PACS1: variants seen among roughly 807,000 people sequenced by gnomAD.
PACS1 encodes the protein PACS-1.
In PACS1, 24 loss-of-function variants were observed where a neutral mutation model predicts 115.0. The observed-to-expected ratio is 0.21, with a 90% CI of 0.15 to 0.29. The LOEUF (loss-of-function observed/expected upper bound fraction) is 0.29, where lower values mean the gene tolerates loss of function less well. Among genes scored for constraint, PACS1 ranks in the 10% least tolerant of loss-of-function variants. The pLI is 1.00. For missense variants in PACS1, 838 were observed against 1,251.2 expected (o/e 0.67, Z 4.98); for synonymous variants, 453 against 504.5 (o/e 0.90, Z 1.37).
intron 2 of PACS1, among the ~76,000 whole-genome samples, chr11:66,206,626 A>G (rs756562516): frequency 4.6e-5 from 7 of 152,228 alleles, no homozygotes; most frequent in African/African-American, 9.6e-5. Flanking sequence ...TAATCATATA[A>G]TGAGGCTACT....
intron 1 of PACS1, among the ~76,000 whole-genome samples, chr11:66,140,581 A>G (rs1321048174): frequency 1.3e-5 from 2 of 152,144 alleles, no homozygotes; most frequent in Non-Finnish European, 2.9e-5. Context: ...ATACATTTAC[A>G]AGGTTCAAAA....
Position 66,104,627 on chromosome 11 carries a change from A to T in PACS1, c.356+33785A>T, listed in dbSNP as rs1857993229. 3.3e-5 allele frequency among the ~76,000 whole-genome samples: 5 copies of T among 152,268 alleles called. No homozygotes were observed. In the South Asian group the frequency reaches 8.3e-4, roughly 25 times the overall value. On this transcript the variant is annotated intron_variant, in intron 1 of 23. Coordinates refer to ENST00000320580, the MANE Select transcript of PACS1 (RefSeq NM_018026.4). ...TTTGCCAACCTCTGATCTAGAAGAA[A>T]CTGGGCCCTGGATTTAGTGCTTGCT...
chr11:66,076,029 G>A (rs1206524381), intron 1 of PACS1, among the ~76,000 whole-genome samples: 2 of 152,088 alleles, frequency 1.3e-5, no homozygotes, highest in South Asian at 2.1e-4. Context: ...GAGCCACCGC[G>A]CTCAGCCACA....
chr11:66,235,586 C>T lies in PACS1; in HGVS notation c.2207+183C>T, dbSNP rs1855689785. Reference sequence around the variant, plus strand: ...CTCCTTCCTTGCCCAAGGCCTCCCACCCATAGGAGCCTGAGTTCATCAGTT... The same window carrying T: ...CTCCTTCCTTGCCCAAGGCCTCCCATCCATAGGAGCCTGAGTTCATCAGTT... On this transcript the variant is annotated intron_variant, in intron 18 of 23. Transcript: ENST00000320580. The surrounding 1 kb of genome is among the most constrained non-coding windows in gnomAD (Gnocchi z 5.6). 1 of 605,772 alleles carries T rather than the reference C, an allele frequency of 1.7e-6. No homozygotes were observed. Among genetic ancestry groups the T allele is most frequent in the Non-Finnish European group, 2.9e-6 (1 of 339,294 alleles). 37.5% of individuals were successfully genotyped at this position (605,772 alleles called of 1,614,324 possible). A position where few individuals can be genotyped will look rare whatever the true frequency, so the allele number is the denominator to read the frequency against.
intron 1 of PACS1, among the ~76,000 whole-genome samples, chr11:66,086,790 A>AT (rs941165987): frequency 6.6e-5 from 10 of 151,626 alleles, no homozygotes; most frequent in Non-Finnish European, 1.3e-4. Flanking sequence ...CAGTGTTTTA[A>AT]TTTTTTTGTA....
At chr11:66,088,398 A>T (rs529006400) in intron 1 of PACS1, among the ~76,000 whole-genome samples, 10 of 152,308 alleles carry the variant, frequency 6.6e-5, no homozygotes, top group African/African-American at 2.2e-4. Flanking sequence ...TTCGACATTT[A>T]GAGTTCCAGT....
chr11:66,216,231 T>A lies in PACS1; in HGVS notation c.773T>A (p.Ile258Asn), dbSNP rs760940258. The A allele has an allele frequency of 1.9e-6, 3 of 1,614,076 alleles. No homozygotes were observed. The part of the protein sequence containing the change: ...IKIYSLSSQP[I>N]DHEGIKSKLS... ...ATCTACTCCCTGTCCAGCCAACCCA[T>A]TGACCATGAAGGAATCAAATCCAAG... is the stretch of plus-strand genomic sequence containing the variant. Residue 258 changes from isoleucine (I) to asparagine (N), a missense_variant, in exon 5 of 24, where the codon ATT (isoleucine) becomes AAT (asparagine). Physicochemically the swap from Ile to Asn is moderately radical, Grantham distance 149. Coordinates refer to ENST00000320580, the MANE Select transcript of PACS1 (RefSeq NM_018026.4).
intron 1 of PACS1, among the ~76,000 whole-genome samples, chr11:66,081,375 C>T (rs1230703422): frequency 6.6e-6 from 1 of 152,208 alleles, no homozygotes; most frequent in Admixed American, 6.5e-5. Flanking sequence ...TCAGCTATTA[C>T]TGTTGCTGTT....
chr11:66,140,361 A>G (rs925136752), intron 1 of PACS1, among the ~76,000 whole-genome samples: 1 of 152,150 alleles, frequency 6.6e-6, no homozygotes, highest in Non-Finnish European at 1.5e-5. Flanking sequence ...GAAGTTATTC[A>G]TGGATTTTAC....
intron 1 of PACS1, among the ~76,000 whole-genome samples, chr11:66,072,840 A>C (rs1857332450): frequency 6.6e-6 from 1 of 152,178 alleles, no homozygotes; most frequent in Non-Finnish European, 1.5e-5. Context: ...TAGGTTGAAA[A>C]GGCGCGAGCC....
chr11:66,159,612 G>C (rs1028197192), intron 1 of PACS1, among the ~76,000 whole-genome samples: 1 of 152,110 alleles, frequency 6.6e-6, no homozygotes, highest in Non-Finnish European at 1.5e-5. Context: ...TTTTGGGGGT[G>C]GGGGAGCGGG....
At chr11:66,243,143 C>G in intron 23 of PACS1, 22 bp from the exon 24 acceptor site, 2 of 1,611,894 alleles carry the variant, frequency 1.2e-6, no homozygotes, top group Non-Finnish European at 1.7e-6. Flanking sequence ...TCTGGTCACC[C>G]CTCCTCTCCT....
At chr11:66,113,172 T>C (rs916878427) in intron 1 of PACS1, among the ~76,000 whole-genome samples, 1 of 152,200 alleles carries the variant, frequency 6.6e-6, no homozygotes, top group African/African-American at 2.4e-5. Flanking sequence ...ATTAAATCAG[T>C]CCACTTTATT....
intron 2 of PACS1, among the ~76,000 whole-genome samples, chr11:66,204,462 C>T (rs908909264): frequency 6.6e-6 from 1 of 152,012 alleles, no homozygotes; most frequent in African/African-American, 2.4e-5. Flanking sequence ...GTTAGTATAG[C>T]GAATATGGAA....
At chr11:66,207,035 G>A (rs528419214) in intron 2 of PACS1, among the ~76,000 whole-genome samples, 2 of 152,172 alleles carry the variant, frequency 1.3e-5, no homozygotes, top group Non-Finnish European at 2.9e-5. Flanking sequence ...GGCCAGTCTC[G>A]TTTCGTCTGT....
rs1273328494 is a variant in PACS1 at position 66,202,743 on chromosome 11, ATATATAT to A, written c.445-7618_445-7612del. On this transcript the variant is annotated intron_variant, in intron 2 of 23. Coordinates refer to ENST00000320580, the MANE Select transcript of PACS1 (RefSeq NM_018026.4). ...ATCTCTAGGAAAAAAAAAAAAAAAA[ATATATAT>A]ATATATATATATATATATATATATA... Among the ~76,000 whole-genome samples the A allele has an allele frequency of 4.0e-3, 235 of 58,906 alleles. 11 individuals are homozygous for A. The highest frequency in any genetic ancestry group is 7.4e-3 in the East Asian group (9 of 1,220). The allele number at this position is 58,906 out of a possible 152,430, so 38.6% of individuals were successfully genotyped here. A position where few individuals can be genotyped will look rare whatever the true frequency, so the allele number is the denominator to read the frequency against.
chr11:66,076,227 G>A (rs775470569), intron 1 of PACS1, among the ~76,000 whole-genome samples: 2 of 152,096 alleles, frequency 1.3e-5, no homozygotes, highest in Admixed American at 6.6e-5. Context: ...CAGATCTTTT[G>A]GACACCTTAG....
chr11:66,202,681 G>C (rs1007015062), intron 2 of PACS1, among the ~76,000 whole-genome samples: 1 of 128,462 alleles, frequency 7.8e-6, no homozygotes, highest in Non-Finnish European at 1.6e-5. Flanking sequence ...TTGAGGCCAA[G>C]AATTTGAGAC....
At chr11:66,210,253 C>A in intron 2 of PACS1, 109 bp from the exon 3 acceptor site, 2 of 814,396 alleles carry the variant, frequency 2.5e-6, no homozygotes, top group Non-Finnish European at 2.1e-6. Context: ...CCAGGCTGGT[C>A]TCAAACTCCT....
Sources: gnomAD v4.1 joint callset for allele counts (sites outside exome capture counted in the v4.1 genomes callset) on GRCh38, gnomAD v4.1.1 for gene constraint, Gnocchi (gnomAD v3.1) non-coding constraint, MANE v1.5 for transcripts, NCBI Gene and HGNC (gene_info 2026-07-23, HGNC 2026-07-21) for gene names.